The following CHL1 variants were observed in gnomAD, a reference collection of about 807,000 sequenced individuals.
CHL1 encodes the protein neural cell adhesion molecule L1-like protein.
A neutral mutation model predicts 141.9 loss-of-function variants in CHL1; 96 were observed. That is an observed-to-expected ratio of 0.68 (90% CI 0.57 to 0.80). CHL1 has a LOEUF of 0.80. CHL1 is among the 30% of genes least tolerant of loss of function. The pLI is 0.00. For synonymous variants in CHL1, 613 were observed against 502.2 expected, an observed-to-expected ratio of 1.22 and a Z score of -2.95; for missense variants, 1,820 against 1,457.2, an observed-to-expected ratio of 1.25 and a Z score of -4.05.
intron 9 of CHL1, among the ~76,000 whole-genome samples, chr3:346,502 C>A (rs1017429254): frequency 1.3e-5 from 2 of 152,190 alleles, no homozygotes; most frequent in African/African-American, 4.8e-5. Context: ...AATGCCTTCA[C>A]TGACCTCTTG....
rs1369929354 is a variant in CHL1 at position 409,318 on chromosome 3, G to C, written c.*3607G>C. On this transcript the variant is annotated 3_prime_UTR_variant, in exon 28 of 28. Transcript: ENST00000256509. ...AAAACGTGTTTGTATTGTAGGTGGT[G>C]TTTGTATTATGCTTATGACTATGTA... The C allele has an allele frequency of 1.3e-5, 2 of 151,998 alleles. No individual in the cohort carries two copies. Among genetic ancestry groups the C allele is most frequent in the African/African-American group, 2.4e-5 (1 of 41,408 alleles). The allele number at this position is 151,998 out of a possible 1,614,324, so 9.4% of individuals were successfully genotyped here. A position where few individuals can be genotyped will look rare whatever the true frequency, so the allele number is the denominator to read the frequency against.
intron 9 of CHL1, among the ~76,000 whole-genome samples, chr3:346,538 T>C (rs1183996479): frequency 6.6e-6 from 1 of 152,192 alleles, no homozygotes; most frequent in African/African-American, 2.4e-5. Flanking sequence ...GCGCAGAATG[T>C]CTTCAAAATA....
chr3:253,424 G>A (rs1693886474), intron 2 of CHL1, among the ~76,000 whole-genome samples: 1 of 152,124 alleles, frequency 6.6e-6, no homozygotes, highest in Non-Finnish European at 1.5e-5. Context: ...ACAAGAATAA[G>A]CAAGAAAGTC....
intron 1 of CHL1, among the ~76,000 whole-genome samples, chr3:232,388 A>G (rs760657645): frequency 6.6e-6 from 1 of 152,174 alleles, no homozygotes; most frequent in Non-Finnish European, 1.5e-5. Context: ...CTTTACAATA[A>G]TTAGCATATT....
At chr3:211,222 A>G (rs527880807) in intron 1 of CHL1, among the ~76,000 whole-genome samples, 7 of 152,188 alleles carry the variant, frequency 4.6e-5, no homozygotes, top group Non-Finnish European at 1.0e-4. Flanking sequence ...ACAGCCACAA[A>G]TGGAAAAGGA....
intron 15 of CHL1, among the ~76,000 whole-genome samples, chr3:370,093 A>G (rs1037306837): frequency 1.3e-5 from 2 of 152,194 alleles, no homozygotes; most frequent in Non-Finnish European, 2.9e-5. Flanking sequence ...TTTTGGTATC[A>G]GGATGATGCT....
intron 5 of CHL1, among the ~76,000 whole-genome samples, chr3:335,903 T>G (rs1019445786): frequency 6.6e-6 from 1 of 152,226 alleles, no homozygotes; most frequent in Non-Finnish European, 1.5e-5. Context: ...GGCTGTACCA[T>G]GCAAAGTGAA....
At chr3:242,445 A>C (rs1692719111) in intron 1 of CHL1, among the ~76,000 whole-genome samples, 1 of 136,274 alleles carries the variant, frequency 7.3e-6, no homozygotes, top group Non-Finnish European at 1.6e-5. Flanking sequence ...AAATACAAAA[A>C]ATTATCCCGG....
chr3:198,193 AGG>A, intron 1 of CHL1: 5 of 174,996 alleles, frequency 2.9e-5, no homozygotes, highest in East Asian at 1.8e-4. Flanking sequence ...CCGGCGGCGG[AGG>A]GCAGGTGTGC....
chr3:348,596 C>T (rs957782471), intron 9 of CHL1, among the ~76,000 whole-genome samples: 1 of 152,278 alleles, frequency 6.6e-6, no homozygotes, highest in South Asian at 2.1e-4. Flanking sequence ...TTCCTCCTTA[C>T]TAAGGTGGGG....
intron 2 of CHL1, among the ~76,000 whole-genome samples, chr3:271,105 C>G (rs1695596648): frequency 6.6e-6 from 1 of 152,024 alleles, no homozygotes; most frequent in African/African-American, 2.4e-5. Flanking sequence ...TGTGAAAAGC[C>G]AAAAATACTG....
At chr3:249,025 G>A (rs929113389) in intron 2 of CHL1, among the ~76,000 whole-genome samples, 2 of 152,164 alleles carry the variant, frequency 1.3e-5, no homozygotes, top group Non-Finnish European at 2.9e-5. Context: ...TTGCCCTAAG[G>A]CAATTCTTGC....
chr3:297,302 G>C (rs890467540), intron 2 of CHL1, among the ~76,000 whole-genome samples: 12 of 152,140 alleles, frequency 7.9e-5, no homozygotes, highest in Admixed American at 3.3e-4. Flanking sequence ...GAGGGACACA[G>C]ATGCAAGAAC....
At chr3:215,732 A>G (rs1700265877) in intron 1 of CHL1, among the ~76,000 whole-genome samples, 1 of 152,164 alleles carries the variant, frequency 6.6e-6, no homozygotes, top group African/African-American at 2.4e-5. Context: ...ACAAAGTGAC[A>G]TCTATTTCTT....
intron 11 of CHL1, among the ~76,000 whole-genome samples, chr3:359,560 C>G (rs1196376281): frequency 1.3e-5 from 2 of 152,098 alleles, no homozygotes; most frequent in African/African-American, 4.8e-5. Flanking sequence ...GCCTCAGCCT[C>G]CCAAAGTGCT....
intron 1 of CHL1, among the ~76,000 whole-genome samples, chr3:206,191 GA>G (rs1365866700): frequency 6.6e-6 from 1 of 152,174 alleles, no homozygotes; most frequent in Non-Finnish European, 1.5e-5. Flanking sequence ...AAACCTGCCA[GA>G]GGTGGTGGTG....
intron 3 of CHL1, among the ~76,000 whole-genome samples, chr3:321,666 A>G (rs1171428731): frequency 1.3e-5 from 2 of 152,058 alleles, no homozygotes; most frequent in Non-Finnish European, 2.9e-5. Context: ...CCTGGCCCAC[A>G]TTTTTATTCT....
chr3:221,147 A>C (rs1700803529), intron 1 of CHL1, among the ~76,000 whole-genome samples: 1 of 152,214 alleles, frequency 6.6e-6, no homozygotes, highest in South Asian at 2.1e-4. Context: ...TACATGTTTC[A>C]TGCATTTATT....
Position 328,236 on chromosome 3 carries a change from A to C in CHL1, c.267A>C (p.Ser89=). ...ATCGGATAATTCCATCGAACAATTCAGGAACATTCAGGATCCCAAACGAGG... is the reference window on the plus strand; with the variant it reads ...ATCGGATAATTCCATCGAACAATTCCGGAACATTCAGGATCCCAAACGAGG... ...TDHRIIPSNN[S]GTFRIPNEGH... Residue 89 remains serine (S), a synonymous_variant, in exon 5 of 28, where the codon TCA becomes TCC. Transcript: ENST00000256509. The C allele has an allele frequency of 1.2e-6, 2 of 1,613,016 alleles. No homozygotes were observed. Among genetic ancestry groups the C allele is most frequent in the Non-Finnish European group, 1.7e-6 (2 of 1,179,256 alleles).
Sources: gnomAD v4.1 joint callset for allele counts (sites outside exome capture counted in the v4.1 genomes callset) on GRCh38, gnomAD v4.1.1 for gene constraint, MANE v1.5 for transcripts, NCBI Gene and HGNC (gene_info 2026-07-23, HGNC 2026-07-21) for gene names.